GAREM1: variants seen among roughly 807,000 people sequenced by gnomAD.
The protein encoded by GAREM1 is GRB2 associated regulator of MAPK1 subtype 1, also known as GRB2-associated and regulator of MAPK protein 1.
In GAREM1, 26 loss-of-function variants were observed where a neutral mutation model predicts 71.3. That is an observed-to-expected ratio of 0.36 (90% CI 0.27 to 0.51). GAREM1 has a LOEUF of 0.51. Among genes scored for constraint, GAREM1 ranks in the 20% least tolerant of loss-of-function variants. The pLI, the probability that GAREM1 is intolerant of heterozygous loss-of-function variation, is 0.95. For synonymous variants in GAREM1, 440 were observed against 433.2 expected (o/e 1.02, Z -0.20); for missense variants, 1,026 against 1,103.1 (o/e 0.93, Z 0.99).
intron 1 of GAREM1, among the ~76,000 whole-genome samples, chr18:32,407,333 C>G (rs999541385): frequency 1.3e-5 from 2 of 152,108 alleles, no homozygotes; most frequent in Non-Finnish European, 2.9e-5. Flanking sequence ...GGATCTGCAG[C>G]CTTAAGGAAG....
chr18:32,297,217 T>C (rs1049538644), intron 3 of GAREM1, among the ~76,000 whole-genome samples: 7 of 152,220 alleles, frequency 4.6e-5, no homozygotes, highest in African/African-American at 1.7e-4. Context: ...AAAAGAACCA[T>C]GGCCTTTGGA....
chr18:32,425,225 T>G (rs1199421788), intron 1 of GAREM1, among the ~76,000 whole-genome samples: 1 of 152,228 alleles, frequency 6.6e-6, no homozygotes, highest in Non-Finnish European at 1.5e-5. Flanking sequence ...TATATATTTT[T>G]TCCACATTAA....
At chr18:32,336,466 G>C (rs1320070762) in intron 2 of GAREM1, among the ~76,000 whole-genome samples, 1 of 150,214 alleles carries the variant, frequency 6.7e-6, no homozygotes, top group African/African-American at 2.4e-5. Context: ...CAGTATATAT[G>C]AAAGCAGCAA....
intron 2 of GAREM1, among the ~76,000 whole-genome samples, chr18:32,386,301 G>C (rs1213149609): frequency 6.6e-6 from 1 of 152,158 alleles, no homozygotes; most frequent in Non-Finnish European, 1.5e-5. Context: ...GGTTATGTTA[G>C]ATGCCACATT....
At chr18:32,422,024 A>G (rs2048523796) in intron 1 of GAREM1, among the ~76,000 whole-genome samples, 1 of 151,960 alleles carries the variant, frequency 6.6e-6, no homozygotes, top group Non-Finnish European at 1.5e-5. Flanking sequence ...GTTTTAGGGT[A>G]CATGTGCACA....
chr18:32,468,554 C>T (rs530411403), intron 1 of GAREM1, among the ~76,000 whole-genome samples: 1 of 152,282 alleles, frequency 6.6e-6, no homozygotes. Flanking sequence ...ACTTGCTACC[C>T]ACGTCCTCAT....
At chr18:32,390,272 T>C (rs2048183344) in intron 2 of GAREM1, among the ~76,000 whole-genome samples, 1 of 152,230 alleles carries the variant, frequency 6.6e-6, no homozygotes, top group African/African-American at 2.4e-5. Context: ...AAATTTGTCT[T>C]GTAAAGCAAG....
At chr18:32,304,654 G>A (rs2047234149) in intron 3 of GAREM1, among the ~76,000 whole-genome samples, 2 of 152,224 alleles carry the variant, frequency 1.3e-5, no homozygotes, top group Admixed American at 1.3e-4. Flanking sequence ...GTACTTGAGT[G>A]TATTACTTTA....
intron 2 of GAREM1, among the ~76,000 whole-genome samples, chr18:32,351,789 A>C (rs1022106641): frequency 2.6e-5 from 4 of 152,088 alleles, no homozygotes; most frequent in Non-Finnish European, 5.9e-5. Context: ...ACTTGATACC[A>C]AGGTTTAGGC....
chr18:32,413,010 C>T (rs2048435010), intron 1 of GAREM1: 10 of 1,598,290 alleles, frequency 6.3e-6, no homozygotes, highest in Non-Finnish European at 1.7e-6. Flanking sequence ...AAACCCAAAG[C>T]CCCTGGAGCG....
chr18:32,418,637 C>T (rs1489187516), intron 1 of GAREM1, among the ~76,000 whole-genome samples: 1 of 152,024 alleles, frequency 6.6e-6, no homozygotes, highest in Non-Finnish European at 1.5e-5. Flanking sequence ...TCCTACCTGC[C>T]CCAGAGGTTG....
chr18:32,312,224 T>G (rs1002528209), intron 2 of GAREM1, among the ~76,000 whole-genome samples: 33 of 152,188 alleles, frequency 2.2e-4, no homozygotes, highest in African/African-American at 7.7e-4. Context: ...CAGATGTTAT[T>G]TGAAGCCATG....
chr18:32,325,568 G>A (rs1482273745), intron 2 of GAREM1, among the ~76,000 whole-genome samples: 1 of 152,144 alleles, frequency 6.6e-6, no homozygotes, highest in African/African-American at 2.4e-5. Context: ...AAAAAAGGAA[G>A]GCAACTCCTT....
chr18:32,268,538 T>G lies in GAREM1; in HGVS notation c.1964A>C (p.Gln655Pro). Residue 655 changes from glutamine (Q) to proline (P), a missense_variant, in exon 6 of 6, where the codon CAA (glutamine) becomes CCA (proline). Transcript: ENST00000269209. ...DPSRSYSYPR[Q>P]KTPGTPKRNC... ...TCTCTTTGGTGTGCCTGGCGTCTTT[T>G]GTCTAGGGTAACTATAACTCCTGCT... The G allele has an allele frequency of 6.2e-7, 1 of 1,614,178 alleles. No homozygotes were observed. Among genetic ancestry groups the G allele is most frequent in the Non-Finnish European group, 8.5e-7 (1 of 1,180,016 alleles).
intron 1 of GAREM1, among the ~76,000 whole-genome samples, chr18:32,396,100 G>C (rs2048252697): frequency 6.6e-6 from 1 of 152,328 alleles, no homozygotes; most frequent in African/African-American, 2.4e-5. Context: ...GCAGCTGAGG[G>C]TCGTGACTGT....
chr18:32,437,958 T>C (rs759637485), intron 1 of GAREM1, among the ~76,000 whole-genome samples: 2 of 152,166 alleles, frequency 1.3e-5, no homozygotes, highest in Non-Finnish European at 2.9e-5. Context: ...GTTGAACTGA[T>C]CTCTTTAAAA....
chr18:32,279,427 T>C (rs893018784), intron 4 of GAREM1, among the ~76,000 whole-genome samples: 1 of 152,180 alleles, frequency 6.6e-6, no homozygotes, highest in Non-Finnish European at 1.5e-5. Flanking sequence ...CATAGGAGCA[T>C]GAACCCTATT....
Position 32,364,627 on chromosome 18 carries a change from A to T in GAREM1, c.262+28268T>A, listed in dbSNP as rs185129994. 2.7e-3 allele frequency among the ~76,000 whole-genome samples: 404 copies of T among 152,328 alleles called. 8 individuals are homozygous for T. The highest frequency in any genetic ancestry group is 0.024 in the Admixed American group (370 of 15,302). On this transcript the variant is annotated intron_variant, in intron 2 of 5. Coordinates refer to ENST00000269209, the MANE Select transcript of GAREM1 (RefSeq NM_001242409.2). ...GAACTTAAAATTAAATTAAATTTTT[A>T]AAAAAAGTCTGATGTGCCAGTGTTA...
chr18:32,287,858 C>A lies in GAREM1; in HGVS notation c.739G>T (p.Val247Leu). 6.2e-7 allele frequency: 1 copy of A among 1,613,952 alleles called. No individual in the cohort carries two copies. Among genetic ancestry groups the A allele is most frequent in the Non-Finnish European group, 8.5e-7 (1 of 1,179,990 alleles). The change falls in exon 4 of 6, where the codon GTG becomes TTG. Residue 247 changes from valine (V) to leucine (L), a missense_variant. By Grantham distance (32) the Val-to-Leu change is conservative. Transcript: ENST00000269209. The surrounding 1 kb of genome is among the most constrained non-coding windows in gnomAD (Gnocchi z 5.9). ...RNIVEKTRLPVNVTVPSPPPR... is the reference protein window; with the variant it reads ...RNIVEKTRLPLNVTVPSPPPR... ...GGAGGGCTTGGCACAGTCACATTCACAGGAAGCCTGGTTTTCTCCACAATG... is the reference window on the plus strand; with the variant it reads ...GGAGGGCTTGGCACAGTCACATTCAAAGGAAGCCTGGTTTTCTCCACAATG...
Sources: gnomAD v4.1 joint callset for allele counts (sites outside exome capture counted in the v4.1 genomes callset) on GRCh38, gnomAD v4.1.1 for gene constraint, Gnocchi (gnomAD v3.1) non-coding constraint, MANE v1.5 for transcripts, NCBI Gene and HGNC (gene_info 2026-07-23, HGNC 2026-07-21) for gene names.